KIF2C: variants seen among roughly 807,000 people sequenced by gnomAD.
KIF2C encodes the protein kinesin family member 2C, also known as kinesin-like protein KIF2C.
In KIF2C, 34 loss-of-function variants were observed where a neutral mutation model predicts 97.4. That is an observed-to-expected ratio of 0.35 (90% CI 0.27 to 0.46). The LOEUF (loss-of-function observed/expected upper bound fraction) is 0.46, where lower values mean the gene tolerates loss of function less well. KIF2C is among the 20% of genes least tolerant of loss of function. The probability of loss-of-function intolerance (pLI) is 1.00; values close to 1 mark genes in which losing one functional copy is unlikely to be tolerated. For missense variants in KIF2C, 750 were observed against 907.6 expected (o/e 0.83, Z 2.23); for synonymous variants, 313 against 318.2 (o/e 0.98, Z 0.17).
intron 2 of KIF2C, among the ~76,000 whole-genome samples, chr1:44,744,184 T>C (rs1288021757): frequency 6.6e-6 from 1 of 152,036 alleles, no homozygotes. Flanking sequence ...TTCGGCTCAC[T>C]ACAACCTCCA....
intron 5 of KIF2C, among the ~76,000 whole-genome samples, chr1:44,751,473 G>T (rs966735909): frequency 1.3e-5 from 2 of 151,264 alleles, no homozygotes; most frequent in Non-Finnish European, 2.9e-5. Flanking sequence ...TGGGATTACA[G>T]GCGTGAGCCA....
At chr1:44,749,230 C>T (rs1332353333) in intron 4 of KIF2C, among the ~76,000 whole-genome samples, 1 of 151,866 alleles carries the variant, frequency 6.6e-6, no homozygotes, top group African/African-American at 2.4e-5. Flanking sequence ...GTCAGGAGTT[C>T]AAGACTAGCC....
Position 44,760,554 on chromosome 1 carries a change from G to T in KIF2C, c.1573-38G>T. ...AGGGATGGGGAGGGATCAGTGCAAGGAAAGAAGGGACCTCAGTTGTTCCTG... is the reference window on the plus strand; with the variant it reads ...AGGGATGGGGAGGGATCAGTGCAAGTAAAGAAGGGACCTCAGTTGTTCCTG... On this transcript the variant is annotated intron_variant, in intron 15 of 20. Coordinates refer to ENST00000372224, the MANE Select transcript of KIF2C (RefSeq NM_006845.4). The surrounding 1 kb of genome is among the most constrained non-coding windows in gnomAD (Gnocchi z 4.2). 3 of 1,612,400 alleles carry T rather than the reference G, an allele frequency of 1.9e-6. No homozygotes were observed. Among genetic ancestry groups the T allele is most frequent in the Non-Finnish European group, 2.5e-6 (3 of 1,178,998 alleles).
chr1:44,754,786 C>T lies in KIF2C; in HGVS notation c.700C>T (p.Arg234Ter), dbSNP rs1483413419. Reference protein sequence around the residue: ...DSSFPNWEFARMIKEFRATLE... With the variant: ...DSSFPNWEFA Reference sequence around the variant, plus strand: ...TAGTTTTCCAAACTGGGAATTTGCCCGAATGATTAAAGAATTTCGGGCTAC... The same window carrying T: ...TAGTTTTCCAAACTGGGAATTTGCCTGAATGATTAAAGAATTTCGGGCTAC... Residue 234 changes from arginine (R) to a stop codon, truncating the protein, a stop_gained, in exon 8 of 21, where the codon CGA becomes TGA. Transcript: ENST00000372224. LOFTEE classifies it high-confidence loss of function. 7.4e-6 allele frequency: 12 copies of T among 1,613,400 alleles called. No homozygotes were observed. Among genetic ancestry groups the T allele is most frequent in the South Asian group, 1.1e-5 (1 of 91,046 alleles).
chr1:44,744,249 AG>A lies in KIF2C; in HGVS notation c.166-3133del, dbSNP rs1649071013. 2.6e-5 allele frequency among the ~76,000 whole-genome samples: 4 copies of A among 152,152 alleles called. No individual in the cohort carries two copies. The South Asian group carries it at 8.3e-4, about 32-fold the overall frequency. ...CAGTCTCCCAAGTAGCTGGGATTAC[AG>A]GCACCTGCCACCACACCCAGCTAAT... On this transcript the variant is annotated intron_variant, in intron 2 of 20. Transcript: ENST00000372224.
Position 44,756,166 on chromosome 1 carries a change from G to GT in KIF2C, c.907dup (p.Tyr303LeufsTer10). ...CCAAGTTGAAAGTGGACTTAACAAA[G>GT]TATCTGGAGAACCAAGCATTCTGCT... On this transcript the variant is annotated frameshift_variant, in exon 10 of 21. Coordinates refer to ENST00000372224, the MANE Select transcript of KIF2C (RefSeq NM_006845.4). LOFTEE classifies it high-confidence loss of function. 1 of 1,614,222 alleles carries GT rather than the reference G, an allele frequency of 6.2e-7. No homozygotes were observed. Among genetic ancestry groups the GT allele is most frequent in the Non-Finnish European group, 8.5e-7 (1 of 1,180,028 alleles).
At position 44,740,941 on chromosome 1, in the gene KIF2C, T is replaced by C. The variant is rs1291302007; in HGVS notation, c.99T>C (p.Thr33=). 1.9e-6 allele frequency: 3 copies of C among 1,613,912 alleles called. No homozygotes were observed. Among genetic ancestry groups the C allele is most frequent in the Non-Finnish European group, 2.5e-6 (3 of 1,179,810 alleles). Residue 33 remains threonine (T), a synonymous_variant, in exon 2 of 21, where the codon ACT becomes ACC. Transcript: ENST00000372224. Reference sequence around the variant, plus strand: ...TAATTCACAGTGCCAATGTAAGGACTGTGAACTTGGAGAAATCCTGTGTTT... The same window carrying C: ...TAATTCACAGTGCCAATGTAAGGACCGTGAACTTGGAGAAATCCTGTGTTT... The part of the protein sequence containing the change: ...NGLIHSANVR[T]VNLEKSCVSV...
chr1:44,742,995 T>G (rs1649012822), intron 2 of KIF2C, among the ~76,000 whole-genome samples: 1 of 152,126 alleles, frequency 6.6e-6, no homozygotes, highest in Non-Finnish European at 1.5e-5. Flanking sequence ...GTGTGAAGGC[T>G]TAGCTGAAGC....
intron 7 of KIF2C, 105 bp downstream of exon 7, chr1:44,753,938 C>A: frequency 2.4e-6 from 1 of 416,682 alleles, no homozygotes; most frequent in Non-Finnish European, 4.3e-6. Flanking sequence ...TCTGAGGCTC[C>A]AGTTCTTGAG....
intron 2 of KIF2C, chr1:44,746,443 A>AAATGTAGGTAGT: frequency 8.6e-7 from 1 of 1,164,542 alleles, no homozygotes; most frequent in East Asian, 4.2e-5. Context: ...GCCCAGAAGA[A>AAATGTAGGTAGT]AATGTAGGTA....
At chr1:44,741,268 A>G (rs1048050540) in intron 2 of KIF2C, among the ~76,000 whole-genome samples, 4 of 151,728 alleles carry the variant, frequency 2.6e-5, no homozygotes, top group Non-Finnish European at 5.9e-5. Flanking sequence ...TGTAATCCCA[A>G]CTACTTGGGA....
At position 44,761,994 on chromosome 1, in the gene KIF2C, C is replaced by G; in HGVS notation, c.1751+11C>G. ...GAGATATGCAGACAGGTACTAGTAC[C>G]TACAGCTAGGTGGGATGCGGAACAG... is the stretch of plus-strand genomic sequence containing the variant. On this transcript the variant is annotated intron_variant, in intron 17 of 20. Transcript: ENST00000372224. 6.2e-7 allele frequency: 1 copy of G among 1,611,814 alleles called. No homozygotes were observed. Among genetic ancestry groups the G allele is most frequent in the Non-Finnish European group, 8.5e-7 (1 of 1,177,862 alleles).
chr1:44,753,838 C>T lies in KIF2C; in HGVS notation c.663+5C>T, dbSNP rs1229526843. 6.3e-7 allele frequency: 1 copy of T among 1,580,214 alleles called. No homozygotes were observed. Among genetic ancestry groups the T allele is most frequent in the Admixed American group, 1.8e-5 (1 of 56,514 alleles). ...ATGAGAATGAAGAGAGCTCAGGTAC[C>T]TTTCTTGGGAGACTAGGGTAAGGGT... On this transcript the variant is annotated splice_donor_5th_base_variant and intron_variant, in intron 7 of 20. Transcript: ENST00000372224.
rs763288116 is a variant in KIF2C at position 44,760,463 on chromosome 1, C to T, written c.1551C>T (p.Asn517=). The change falls in exon 15 of 21, where the codon AAC becomes AAT. Residue 517 remains asparagine (N), a synonymous_variant. Transcript: ENST00000372224. This position sits in a 1 kb window ranked among gnomAD's most constrained non-coding sequence, Gnocchi z 4.2. ...CCCGCATGGAGGGCGCAGAAATCAA[C>T]AAGAGTCTCTTAGCCCTGAAGGTAG... The part of the protein sequence containing the change: ...RQTRMEGAEI[N]KSLLALKECI... 79 of 1,614,024 alleles carry T rather than the reference C, an allele frequency of 4.9e-5. No individual in the cohort carries two copies. In the Admixed American group the frequency reaches 5.8e-4, roughly 12 times the overall value.
At chr1:44,755,472 G>T (rs985617540) in intron 8 of KIF2C, among the ~76,000 whole-genome samples, 31 of 151,818 alleles carry the variant, frequency 2.0e-4, no homozygotes, top group African/African-American at 7.3e-4. Flanking sequence ...TACCATGTTG[G>T]TCAGGCTGGT....
At chr1:44,745,462 G>GTTTTTTTTTTTTTTTTTTTTTT (rs1557589253) in intron 2 of KIF2C, among the ~76,000 whole-genome samples, 1 of 42,748 alleles carries the variant, frequency 2.3e-5, no homozygotes, top group African/African-American at 1.2e-4. Flanking sequence ...GGTTGTATAT[G>GTTTTTTTTTTTTTTTTTTTTTT]TCTTTTTTTT....
chr1:44,766,104 T>C (rs1203705124), intron 19 of KIF2C, among the ~76,000 whole-genome samples: 2 of 152,128 alleles, frequency 1.3e-5, no homozygotes, highest in African/African-American at 2.4e-5. Context: ...TGTGTGCCTG[T>C]AGTCCCAGCT....
At chr1:44,755,838 G>A in intron 8 of KIF2C, 91 bp from the exon 9 acceptor site, 2 of 1,200,742 alleles carry the variant, frequency 1.7e-6, no homozygotes, top group South Asian at 2.5e-5. Context: ...GGCCAGACAT[G>A]GGATTGGAAG....
chr1:44,749,660 T>C (rs1308449551), intron 4 of KIF2C, among the ~76,000 whole-genome samples: 1 of 151,780 alleles, frequency 6.6e-6, no homozygotes, highest in Non-Finnish European at 1.5e-5. Context: ...ATGGATTATA[T>C]ATAGCCATCA....
Sources: gnomAD v4.1 joint callset for allele counts (sites outside exome capture counted in the v4.1 genomes callset) on GRCh38, gnomAD v4.1.1 for gene constraint, Gnocchi (gnomAD v3.1) non-coding constraint, MANE v1.5 for transcripts, NCBI Gene and HGNC (gene_info 2026-07-23, HGNC 2026-07-21) for gene names.